Variants in SOX5 observed in about 807,000 individuals in gnomAD.
SOX5 encodes the protein transcription factor SOX-5.
A neutral mutation model predicts 92.0 loss-of-function variants in SOX5; 9 were observed. The ratio of observed to expected loss-of-function variants is 0.10; its 90% CI spans 0.06 to 0.17. SOX5 has a LOEUF of 0.17. Ranked by LOEUF, SOX5 falls within the 10% of genes least tolerant of loss-of-function variation. SOX5 has a pLI of 1.00. For missense variants in SOX5, 642 were observed against 944.5 expected, an observed-to-expected ratio of 0.68 and a Z score of 4.20; for synonymous variants, 344 against 336.3, an observed-to-expected ratio of 1.02 and a Z score of -0.25.
intron 3 of SOX5, chr12:24,237,698 G>T (rs1480825409): frequency 6.6e-6 from 1 of 151,238 alleles, no homozygotes; most frequent in East Asian, 1.9e-4. Context: ...TATTTTGTTT[G>T]CTATTGATAA....
At chr12:24,273,019 G>A (rs968128201) in intron 3 of SOX5, among the ~76,000 whole-genome samples, 26 of 152,298 alleles carry the variant, frequency 1.7e-4, no homozygotes, top group Admixed American at 7.2e-4. Flanking sequence ...GATCACTTGA[G>A]GTCAGGAGTT....
chr12:23,911,756 C>T (rs1448883633), intron 1 of SOX5, among the ~76,000 whole-genome samples: 1 of 152,038 alleles, frequency 6.6e-6, no homozygotes, highest in African/African-American at 2.4e-5. Flanking sequence ...AGTGACTGTT[C>T]TAGGTGCTTT....
intron 1 of SOX5, among the ~76,000 whole-genome samples, chr12:24,401,708 TAAAAAAAAAA>T (rs71063321): frequency 7.2e-4 from 72 of 99,442 alleles, no homozygotes; most frequent in African/African-American, 8.6e-4. Flanking sequence ...ACCCTATCTT[TAAAAAAAAAA>T]AAAAAAAAAA....
intron 4 of SOX5, among the ~76,000 whole-genome samples, chr12:24,057,963 G>A (rs540580559): frequency 6.6e-6 from 1 of 152,148 alleles, no homozygotes; most frequent in African/African-American, 2.4e-5. Flanking sequence ...AATAATCCTT[G>A]TATTTTCTTC....
At chr12:24,450,473 T>A (rs1167303221) in intron 1 of SOX5, among the ~76,000 whole-genome samples, 2 of 134,724 alleles carry the variant, frequency 1.5e-5, no homozygotes, top group African/African-American at 6.1e-5. Flanking sequence ...GTATTTATTT[T>A]ATTTATTTAT....
intron 3 of SOX5, among the ~76,000 whole-genome samples, chr12:23,821,960 G>A (rs931438789): frequency 1.3e-5 from 2 of 151,926 alleles, no homozygotes; most frequent in Admixed American, 1.3e-4. Flanking sequence ...ATTTCTGTGG[G>A]ATCAGTGGTG....
chr12:24,066,594 G>C (rs936955878), intron 4 of SOX5, among the ~76,000 whole-genome samples: 3 of 152,098 alleles, frequency 2.0e-5, no homozygotes, highest in Non-Finnish European at 4.4e-5. Context: ...AATAACTAAA[G>C]AGTTATTTCA....
chr12:23,715,292 C>CAAAATAAAAT (rs373690969), intron 6 of SOX5, among the ~76,000 whole-genome samples: 2,105 of 147,904 alleles, frequency 0.014, 49 homozygotes, highest in African/African-American at 0.038. Context: ...GACTCCATCT[C>CAAAATAAAAT]AAAATAAAAT....
At chr12:23,767,175 C>T (rs1594211640) in intron 3 of SOX5, among the ~76,000 whole-genome samples, 1 of 151,706 alleles carries the variant, frequency 6.6e-6, no homozygotes, top group East Asian at 1.9e-4. Context: ...CCACTGCACT[C>T]CAGCCTGGGC....
intron 3 of SOX5, among the ~76,000 whole-genome samples, chr12:23,841,580 T>C (rs898602568): frequency 6.6e-6 from 1 of 152,032 alleles, no homozygotes; most frequent in Non-Finnish European, 1.5e-5. Context: ...ATTGATAAAA[T>C]AGTGGTATAT....
At chr12:23,692,931 A>T (rs891845963) in intron 6 of SOX5, among the ~76,000 whole-genome samples, 3 of 152,208 alleles carry the variant, frequency 2.0e-5, no homozygotes, top group Admixed American at 1.3e-4. Context: ...ATTTATCCCT[A>T]GTAATGCATT....
intron 1 of SOX5, among the ~76,000 whole-genome samples, chr12:23,925,527 G>A (rs1260009316): frequency 6.6e-6 from 1 of 152,058 alleles, no homozygotes; most frequent in East Asian, 1.9e-4. Context: ...CCATCACAAG[G>A]TCAAGTTAAA....
intron 3 of SOX5, among the ~76,000 whole-genome samples, chr12:23,789,721 G>A: frequency 6.6e-6 from 1 of 151,954 alleles, no homozygotes; most frequent in East Asian, 1.9e-4. Context: ...AGTTTTATAA[G>A]GAGATCACAG....
intron 1 of SOX5, among the ~76,000 whole-genome samples, chr12:24,463,522 G>T (rs556245565): frequency 4.1e-4 from 62 of 152,206 alleles, no homozygotes; most frequent in African/African-American, 1.2e-3. Flanking sequence ...ATTTCTAAAC[G>T]CTTACAGATT....
intron 10 of SOX5, among the ~76,000 whole-genome samples, chr12:23,567,853 A>T (rs1947414008): frequency 1.3e-5 from 2 of 151,992 alleles, no homozygotes; most frequent in African/African-American, 2.4e-5. Context: ...CTCCTTATAT[A>T]TTTTTTTCAG....
rs539251426 is a variant in SOX5, at chr12:23,806,723, A to G, written c.481+39260T>C. Among the ~76,000 whole-genome samples, 44 of 151,978 alleles carry G rather than the reference A, an allele frequency of 2.9e-4. 1 individual carries two copies. The highest frequency in any genetic ancestry group is 1.1e-3 in the African/African-American group (44 of 41,532). ...TTGGCTTTATTTTTAAAACAATAAT[A>G]GTGTTGGAGAATAGAGCCACAGTCC... On this transcript the variant is annotated intron_variant, in intron 3 of 14. Coordinates refer to ENST00000451604, the MANE Select transcript of SOX5 (RefSeq NM_006940.6).
intron 3 of SOX5, among the ~76,000 whole-genome samples, chr12:23,838,798 T>C (rs1031032423): frequency 1.4e-4 from 20 of 147,768 alleles, no homozygotes; most frequent in African/African-American, 4.2e-4. Flanking sequence ...CAAGTTGTTC[T>C]TACTAGATAT....
At chr12:23,691,008 C>T (rs1188689401) in intron 6 of SOX5, among the ~76,000 whole-genome samples, 2 of 152,206 alleles carry the variant, frequency 1.3e-5, no homozygotes, top group Non-Finnish European at 2.9e-5. Context: ...TACTCATTTT[C>T]TCAGTCTTCA....
intron 4 of SOX5, among the ~76,000 whole-genome samples, chr12:24,097,044 T>TTTTG (rs1216769941): frequency 1.3e-5 from 2 of 152,260 alleles, no homozygotes; most frequent in South Asian, 2.1e-4. Flanking sequence ...GCTAGTTATT[T>TTTTG]TTTGTTTGTT....
Sources: allele counts gnomAD v4.1 joint callset (sites outside exome capture counted in the v4.1 genomes callset), GRCh38; gene constraint gnomAD v4.1.1; transcripts MANE v1.5; gene names NCBI Gene and HGNC (gene_info 2026-07-23, HGNC 2026-07-21).